The following STK38 variants were observed in gnomAD, a reference collection of about 807,000 sequenced individuals.
STK38 encodes serine/threonine-protein kinase 38.
A neutral mutation model predicts 59.0 loss-of-function variants in STK38; 26 were observed. The ratio of observed to expected loss-of-function variants is 0.44; its 90% CI spans 0.32 to 0.61. The LOEUF (loss-of-function observed/expected upper bound fraction) is 0.61. STK38 is among the 20% of genes least tolerant of loss of function. STK38 has a pLI of 0.04. For missense variants in STK38, 433 were observed against 566.0 expected (o/e 0.76, Z 2.38); for synonymous variants, 175 against 176.6 (o/e 0.99, Z 0.07).
At chr6:36,505,555 G>A (rs1044893137) in intron 9 of STK38, among the ~76,000 whole-genome samples, 1 of 152,130 alleles carries the variant, frequency 6.6e-6, no homozygotes. Flanking sequence ...TACTAAGAGT[G>A]TTATTAAAGG....
At chr6:36,537,270 T>C (rs1351907972) in intron 2 of STK38, among the ~76,000 whole-genome samples, 11 of 152,152 alleles carry the variant, frequency 7.2e-5, no homozygotes, top group African/African-American at 2.7e-4. Flanking sequence ...ACGCAAATGT[T>C]AGTAAAAATG....
At chr6:36,510,292 GGGGGCTA>G (rs2127472693) in intron 7 of STK38, among the ~76,000 whole-genome samples, 1 of 152,366 alleles carries the variant, frequency 6.6e-6, no homozygotes, top group Non-Finnish European at 1.5e-5. Context: ...TGAGGCTGCA[GGGGGCTA>G]GTGTGTCAGC....
chr6:36,501,465 C>T (rs1031407758), intron 9 of STK38, among the ~76,000 whole-genome samples: 4 of 150,910 alleles, frequency 2.7e-5, no homozygotes, highest in African/African-American at 9.8e-5. Flanking sequence ...TACAAACATA[C>T]AGAAAAAAGG....
chr6:36,506,776 G>C (rs964605992), intron 8 of STK38, 132 bp from the exon 9 acceptor site: 142 of 718,042 alleles, frequency 2.0e-4, no homozygotes, highest in Non-Finnish European at 2.8e-4. Context: ...AAAAGCTCCA[G>C]ATGATACATA....
At position 36,506,649 on chromosome 6, in the gene STK38, AAG is replaced by A. The variant is rs1188217555; in HGVS notation, c.773-7_773-6del. The A allele has an allele frequency of 1.2e-6, 2 of 1,612,510 alleles. No individual in the cohort carries two copies. The highest frequency in any genetic ancestry group is 1.7e-6 in the Non-Finnish European group (2 of 1,179,658). On this transcript the variant is annotated splice_region_variant and splice_polypyrimidine_tract_variant and intron_variant, in intron 8 of 13. Transcript: ENST00000229812. ...TGGAATTCATGTTCTGGAAAGCTGA[AAG>A]TAAAGAATACAAGCTGCAGTCAAAG... is the stretch of plus-strand genomic sequence containing the variant.
intron 8 of STK38, 42 bp downstream of exon 8, chr6:36,507,457 GC>G (rs764668565): frequency 2.0e-6 from 3 of 1,527,990 alleles, no homozygotes; most frequent in South Asian, 2.2e-5. Context: ...GCTCTTCTAG[GC>G]CCAGTTAGAA....
At chr6:36,525,245 T>A (rs980201020) in intron 3 of STK38, among the ~76,000 whole-genome samples, 1 of 152,168 alleles carries the variant, frequency 6.6e-6, no homozygotes, top group Non-Finnish European at 1.5e-5. Context: ...GTAAAATAAA[T>A]AAATATTTCA....
rs1009855923 is a variant in STK38, at chr6:36,529,704, T to C, written c.132-4062A>G. Reference sequence around the variant, plus strand: ...CCCTATGTCCACTAAGAATAGTGCTTTGTACACAGCTACTTTCTAAATGTA... The same window carrying C: ...CCCTATGTCCACTAAGAATAGTGCTCTGTACACAGCTACTTTCTAAATGTA... On this transcript the variant is annotated intron_variant, in intron 2 of 13. Transcript: ENST00000229812. Among the ~76,000 whole-genome samples the C allele has an allele frequency of 6.6e-5, 10 of 152,320 alleles. No individual in the cohort carries two copies. In the East Asian group the frequency reaches 1.9e-3, roughly 29 times the overall value.
At chr6:36,511,338 A>T (rs1777103343) in intron 7 of STK38, among the ~76,000 whole-genome samples, 1 of 151,076 alleles carries the variant, frequency 6.6e-6, no homozygotes, top group African/African-American at 2.4e-5. Flanking sequence ...AGCCTATTAA[A>T]CTCAGTATCT....
intron 7 of STK38, among the ~76,000 whole-genome samples, chr6:36,511,075 A>G (rs1184268047): frequency 6.6e-6 from 1 of 152,244 alleles, no homozygotes; most frequent in Non-Finnish European, 1.5e-5. Flanking sequence ...TCAGGGTTAC[A>G]CAATCAGAAG....
intron 2 of STK38, among the ~76,000 whole-genome samples, chr6:36,531,222 G>C (rs1561989219): frequency 6.6e-6 from 1 of 152,130 alleles, no homozygotes; most frequent in Non-Finnish European, 1.5e-5. Flanking sequence ...ACATAGATGA[G>C]AAAATCTAAG....
intron 4 of STK38, among the ~76,000 whole-genome samples, chr6:36,523,773 CTA>C (rs2127480813): frequency 6.6e-6 from 1 of 152,282 alleles, no homozygotes; most frequent in Admixed American, 6.5e-5. Context: ...CCACCACTAC[CTA>C]TATAACTCCT....
At chr6:36,498,114 T>C (rs1397937834) in intron 11 of STK38, among the ~76,000 whole-genome samples, 1 of 152,026 alleles carries the variant, frequency 6.6e-6, no homozygotes. Flanking sequence ...TTTTTCTTTT[T>C]AGAGGTGGGG....
chr6:36,499,153 A>G (rs983678487), intron 10 of STK38, among the ~76,000 whole-genome samples: 14 of 152,338 alleles, frequency 9.2e-5, no homozygotes, highest in African/African-American at 3.4e-4. Context: ...GGATGAAACA[A>G]TATCATTCCA....
chr6:36,523,258 G>GTTTT (rs1264389755), intron 4 of STK38, among the ~76,000 whole-genome samples: 1 of 147,338 alleles, frequency 6.8e-6, no homozygotes, highest in Admixed American at 6.8e-5. Flanking sequence ...GGGGTACCAG[G>GTTTT]TTTTTTGTTT....
chr6:36,525,365 A>G (rs1166632785), intron 3 of STK38, among the ~76,000 whole-genome samples: 1 of 152,220 alleles, frequency 6.6e-6, no homozygotes, highest in Non-Finnish European at 1.5e-5. Context: ...TTGGAATTCT[A>G]AATCTAGTTT....
intron 7 of STK38, among the ~76,000 whole-genome samples, chr6:36,514,154 CA>C (rs762095229): frequency 0.042 from 3,316 of 78,890 alleles, 33 homozygotes; most frequent in Non-Finnish European, 0.065. Flanking sequence ...GACTCCGTCT[CA>C]AAAAAAAAAA....
Position 36,527,228 on chromosome 6 carries a change from A to ATT in STK38, c.132-1588_132-1587dup, listed in dbSNP as rs1554168840. On this transcript the variant is annotated intron_variant, in intron 2 of 13. Coordinates refer to ENST00000229812, the MANE Select transcript of STK38 (RefSeq NM_007271.4). ...AAAAAATATATGTATATATATATATATTTATATGTATATACACATGTATAC... is the reference window on the plus strand; with the variant it reads ...AAAAAATATATGTATATATATATATATTTTTATATGTATATACACATGTATAC... Among the ~76,000 whole-genome samples the ATT allele has an allele frequency of 2.7e-3, 388 of 143,308 alleles. 1 individual carries two copies. Among genetic ancestry groups the ATT allele is most frequent in the Middle Eastern group, 7.2e-3 (2 of 276 alleles). The allele number at this position is 143,308 out of a possible 152,430, so 94.0% of individuals were successfully genotyped here. A position where few individuals can be genotyped will look rare whatever the true frequency, so the allele number is the denominator to read the frequency against.
In STK38 at chr6:36,514,785, T is replaced by C. The variant is rs1777208403; in HGVS notation, c.669+553A>G. Reference sequence around the variant, plus strand: ...ATCGCTTGAACCCAGGAGGCGGAGGTTGCAGTGAGCTAAGATCGCGCCACT... The same window carrying C: ...ATCGCTTGAACCCAGGAGGCGGAGGCTGCAGTGAGCTAAGATCGCGCCACT... On this transcript the variant is annotated intron_variant, in intron 7 of 13. Coordinates refer to ENST00000229812, the MANE Select transcript of STK38 (RefSeq NM_007271.4). 4.0e-5 allele frequency among the ~76,000 whole-genome samples: 6 copies of C among 149,052 alleles called. No homozygotes were observed. In the Admixed American group the frequency reaches 4.0e-4, roughly 10 times the overall value.
Sources: gnomAD v4.1 joint callset for allele counts (sites outside exome capture counted in the v4.1 genomes callset) on GRCh38, gnomAD v4.1.1 for gene constraint, MANE v1.5 for transcripts, NCBI Gene and HGNC (gene_info 2026-07-23, HGNC 2026-07-21) for gene names.